Variants in SCAPER observed in about 807,000 individuals in gnomAD.
SCAPER encodes S phase cyclin A-associated protein in the endoplasmic reticulum.
A neutral mutation model predicts 182.2 loss-of-function variants in SCAPER; 98 were observed. That is an observed-to-expected ratio of 0.54 (90% confidence interval 0.46 to 0.64). The LOEUF (loss-of-function observed/expected upper bound fraction) is 0.64. Ranked by LOEUF, SCAPER falls within the 30% of genes least tolerant of loss-of-function variation. The pLI, the probability that SCAPER is intolerant of heterozygous loss-of-function variation, is 0.00. For synonymous variants in SCAPER, 605 were observed against 564.6 expected (o/e 1.07, Z -1.01); for missense variants, 1,432 against 1,690.0 (o/e 0.85, Z 2.68).
chr15:76,691,330 A>T (rs1363195019), intron 20 of SCAPER, among the ~76,000 whole-genome samples: 1 of 152,116 alleles, frequency 6.6e-6, no homozygotes, highest in Non-Finnish European at 1.5e-5. Context: ...AATGCAAGAC[A>T]TGACTAGACA....
chr15:76,831,118 G>A (rs2068434664), intron 5 of SCAPER, among the ~76,000 whole-genome samples: 1 of 152,136 alleles, frequency 6.6e-6, no homozygotes, highest in Non-Finnish European at 1.5e-5. Context: ...AGAGGGTTAG[G>A]CATGGGGACA....
chr15:76,786,041 T>C (rs1038175138), intron 8 of SCAPER, among the ~76,000 whole-genome samples: 2 of 151,724 alleles, frequency 1.3e-5, no homozygotes, highest in Admixed American at 6.6e-5. Context: ...TTAAAAAAAA[T>C]CAATGGGCTG....
At chr15:76,485,926 G>A (rs559313513) in intron 24 of SCAPER, among the ~76,000 whole-genome samples, 1 of 152,128 alleles carries the variant, frequency 6.6e-6, no homozygotes, top group African/African-American at 2.4e-5. Context: ...GAAAACTATC[G>A]GCTGGGTGCA....
At chr15:76,477,761 G>A (rs986768720) in intron 24 of SCAPER, among the ~76,000 whole-genome samples, 3 of 151,788 alleles carry the variant, frequency 2.0e-5, no homozygotes, top group Non-Finnish European at 4.4e-5. Flanking sequence ...ATTTTTTCCC[G>A]TGTTTATTTG....
chr15:76,421,765 T>C (rs1427738593), intron 26 of SCAPER, among the ~76,000 whole-genome samples: 1 of 152,242 alleles, frequency 6.6e-6, no homozygotes, highest in East Asian at 1.9e-4. Flanking sequence ...GTCTAACATG[T>C]AAGTCTTTAA....
At chr15:76,387,972 G>A (rs563304232) in intron 27 of SCAPER, among the ~76,000 whole-genome samples, 1 of 152,268 alleles carries the variant, frequency 6.6e-6, no homozygotes, top group African/African-American at 2.4e-5. Context: ...AAGAATATAA[G>A]TCAATTTTGA....
intron 18 of SCAPER, among the ~76,000 whole-genome samples, chr15:76,703,921 C>T (rs572897854): frequency 6.6e-6 from 1 of 152,186 alleles, no homozygotes; most frequent in South Asian, 2.1e-4. Context: ...AAAATACAGT[C>T]TTCTACCTTA....
intron 17 of SCAPER, among the ~76,000 whole-genome samples, chr15:76,719,589 T>TA (rs1279921238): frequency 6.6e-6 from 1 of 152,180 alleles, no homozygotes; most frequent in African/African-American, 2.4e-5. Flanking sequence ...TGTGAGAAGA[T>TA]AGATATGTTA....
intron 4 of SCAPER, among the ~76,000 whole-genome samples, chr15:76,856,116 T>C (rs771448337): frequency 1.3e-5 from 2 of 152,212 alleles, no homozygotes; most frequent in African/African-American, 4.8e-5. Context: ...TCATGTATTT[T>C]GCTGGAACAT....
chr15:76,606,019 C>T (rs1044910866), intron 22 of SCAPER, among the ~76,000 whole-genome samples: 1 of 152,090 alleles, frequency 6.6e-6, no homozygotes, highest in African/African-American at 2.4e-5. Flanking sequence ...TCTCTATTTC[C>T]TTCAGTTCTG....
chr15:76,825,830 T>G lies in SCAPER; in HGVS notation c.393+15904A>C, dbSNP rs1204194322. ...GGTGACCTCGTCTCACTGCAACCTCTCCCTCCTGGGTTTAAGCAATTCTCC... is the reference window on the plus strand; with the variant it reads ...GGTGACCTCGTCTCACTGCAACCTCGCCCTCCTGGGTTTAAGCAATTCTCC... On this transcript the variant is annotated intron_variant, in intron 5 of 31. Transcript: ENST00000563290. Among the ~76,000 whole-genome samples, 3 of 152,270 alleles carry G rather than the reference T, an allele frequency of 2.0e-5. No homozygotes were observed. In the East Asian group the frequency reaches 5.8e-4, roughly 29 times the overall value.
chr15:76,404,206 C>T (rs568763845), intron 27 of SCAPER, among the ~76,000 whole-genome samples: 4 of 152,160 alleles, frequency 2.6e-5, no homozygotes, highest in African/African-American at 9.6e-5. Flanking sequence ...GCTTTGTTTC[C>T]TTCGATGACT....
chr15:76,862,186 A>G (rs994155397), intron 3 of SCAPER, among the ~76,000 whole-genome samples: 5 of 152,214 alleles, frequency 3.3e-5, no homozygotes, highest in African/African-American at 7.2e-5. Context: ...GCTGGTCATA[A>G]TAACACAATA....
At chr15:76,540,874 G>C (rs1433442346) in intron 23 of SCAPER, among the ~76,000 whole-genome samples, 1 of 152,098 alleles carries the variant, frequency 6.6e-6, no homozygotes, top group Non-Finnish European at 1.5e-5. Context: ...TGTAATCCCA[G>C]GACTTTGGGA....
chr15:76,480,630 A>T (rs2051035613), intron 24 of SCAPER, among the ~76,000 whole-genome samples: 1 of 152,256 alleles, frequency 6.6e-6, no homozygotes, highest in Non-Finnish European at 1.5e-5. Context: ...GGCTGAGCAC[A>T]AGGATGTCCA....
intron 26 of SCAPER, among the ~76,000 whole-genome samples, chr15:76,428,740 C>A (rs1271894367): frequency 1.3e-5 from 2 of 151,360 alleles, no homozygotes; most frequent in African/African-American, 4.9e-5. Flanking sequence ...AGTAGAGTGA[C>A]TACGGTTAAC....
chr15:76,795,377 C>A lies in SCAPER; in HGVS notation c.675G>T (p.Lys225Asn). The change falls in exon 8 of 32, where the codon AAG becomes AAT. Residue 225 changes from lysine to asparagine, a missense_variant. Around this residue, in one of 5 missense-constraint regions of SCAPER, gnomAD observed 480 missense variants for 510.2 expected, o/e 0.94. Transcript: ENST00000563290. ...LAPTGVSWAD[K>N]VKAHHTGSTA... ...TAGAGCCTGTATGATGAGCCTTTAC[C>A]TTGTCAGCCCAACTGACACCTGTGG... 6.2e-7 allele frequency: 1 copy of A among 1,611,558 alleles called. No homozygotes were observed. Among genetic ancestry groups the A allele is most frequent in the Non-Finnish European group, 8.5e-7 (1 of 1,178,364 alleles).
intron 17 of SCAPER, among the ~76,000 whole-genome samples, chr15:76,707,245 A>C (rs2059310525): frequency 6.6e-6 from 1 of 152,122 alleles, no homozygotes; most frequent in South Asian, 2.1e-4. Flanking sequence ...GAGACATAGA[A>C]AACAAATATC....
chr15:76,797,693 CAAA>C, intron 7 of SCAPER: 1 of 152,148 alleles, frequency 6.6e-6, no homozygotes, highest in Non-Finnish European at 1.5e-5. Context: ...AAACCTCTGT[CAAA>C]TCGTTAGGTG....
Sources: gnomAD v4.1 joint callset for allele counts (sites outside exome capture counted in the v4.1 genomes callset) on GRCh38, gnomAD v4.1.1 for gene constraint, gnomAD v4.1.1 regional missense constraint, MANE v1.5 for transcripts, NCBI Gene and HGNC (gene_info 2026-07-23, HGNC 2026-07-21) for gene names.